ALDH1L1: variants seen among roughly 807,000 people sequenced by gnomAD.
The protein encoded by ALDH1L1 is cytosolic 10-formyltetrahydrofolate dehydrogenase.
In ALDH1L1, 68 loss-of-function variants were observed where a neutral mutation model predicts 101.1. The observed-to-expected ratio is 0.67, with a 90% CI of 0.55 to 0.82. The LOEUF (loss-of-function observed/expected upper bound fraction) is 0.82. Ranked by LOEUF, ALDH1L1 falls within the 40% of genes least tolerant of loss-of-function variation. The pLI, the probability that ALDH1L1 is intolerant of heterozygous loss-of-function variation, is 0.00. For missense variants in ALDH1L1, 1,087 were observed against 1,172.7 expected (o/e 0.93, Z 1.07); for synonymous variants, 486 against 470.8 (o/e 1.03, Z -0.42).
In ALDH1L1 at chr3:126,152,807, C is replaced by A. The variant is rs546105791; in HGVS notation, c.858+637G>T. The stretch of plus-strand genomic sequence containing the variant: ...TCTGCCACGGGCTAGCTTGGATGAT[C>A]CTGGACAAGTTATTTAAATCTCTGT... On this transcript the variant is annotated intron_variant, in intron 7 of 22. Coordinates refer to ENST00000393434, the MANE Select transcript of ALDH1L1 (RefSeq NM_012190.4). 30 of 161,698 alleles carry A rather than the reference C, an allele frequency of 1.9e-4. No homozygotes were observed. The South Asian group carries it at 5.0e-3, about 27-fold the overall frequency. 10.0% of individuals were successfully genotyped at this position (161,698 alleles called of 1,614,324 possible).
chr3:126,107,641 A>G (rs1559912177), intron 20 of ALDH1L1, among the ~76,000 whole-genome samples: 1 of 152,200 alleles, frequency 6.6e-6, no homozygotes, highest in Non-Finnish European at 1.5e-5. Context: ...CAGCTCTGCC[A>G]CTGACCCTGG....
At chr3:126,165,339 G>C (rs2081144546) in intron 1 of ALDH1L1, among the ~76,000 whole-genome samples, 1 of 152,104 alleles carries the variant, frequency 6.6e-6, no homozygotes. Flanking sequence ...TTTTGTTGAG[G>C]ATTTTTGTGT....
chr3:126,188,823 C>T (rs1275465270), intron 1 of ALDH1L1, among the ~76,000 whole-genome samples: 2 of 152,138 alleles, frequency 1.3e-5, no homozygotes, highest in Non-Finnish European at 2.9e-5. Flanking sequence ...GAGCATGATA[C>T]CAAGAGTTTA....
At chr3:126,160,242 T>C (rs4511843) in intron 2 of ALDH1L1, 101,681 of 153,160 alleles carry the variant, frequency 0.66, 33,828 homozygotes, top group Middle Eastern at 0.68. Flanking sequence ...AGGGTGCGCT[T>C]AGTACTCTCT....
rs2080935516 is a variant in ALDH1L1, at chr3:126,157,427, C to T, written c.444G>A (p.Leu148=). 12 of 1,614,058 alleles carry T rather than the reference C, an allele frequency of 7.4e-6. No individual in the cohort carries two copies. The highest frequency in any genetic ancestry group is 1.3e-5 in the African/African-American group (1 of 74,930). ...DDGLDTGDLL[L]QKECEVLPDD... Reference sequence around the variant, plus strand: ...CCGGGAGCACCTCACACTCCTTCTGCAGCAGCAGGTCTCCGGTGTCCAGAC... The same window carrying T: ...CCGGGAGCACCTCACACTCCTTCTGTAGCAGCAGGTCTCCGGTGTCCAGAC... The change falls in exon 4 of 23, where the codon CTG becomes CTA. Residue 148 remains leucine (L), a synonymous_variant. Coordinates refer to ENST00000393434, the MANE Select transcript of ALDH1L1 (RefSeq NM_012190.4).
chr3:126,114,742 C>G, intron 17 of ALDH1L1, 86 bp from the exon 18 acceptor site: 2 of 1,274,716 alleles, frequency 1.6e-6, no homozygotes, highest in South Asian at 2.4e-5. Flanking sequence ...CCTGGGTAGG[C>G]CCAAAGCATG....
At chr3:126,146,792 G>C (rs1174798091) in intron 9 of ALDH1L1, 43 bp downstream of exon 9, 3 of 1,593,614 alleles carry the variant, frequency 1.9e-6, no homozygotes, top group Non-Finnish European at 2.6e-6. Flanking sequence ...TTGTGACACA[G>C]CACCAAGTAC....
chr3:126,130,351 T>G, intron 13 of ALDH1L1, 58 bp from the exon 14 acceptor site: 1 of 1,462,028 alleles, frequency 6.8e-7, no homozygotes, highest in Non-Finnish European at 9.2e-7. Flanking sequence ...CCTTCCCCTC[T>G]AGGCAGCAAG....
intron 19 of ALDH1L1, chr3:126,110,428 G>T: frequency 2.8e-6 from 1 of 354,898 alleles, no homozygotes; most frequent in South Asian, 4.5e-5. Context: ...AATACAACAC[G>T]TATCTGACTC....
chr3:126,189,847 C>T (rs533490946), intron 1 of ALDH1L1, among the ~76,000 whole-genome samples: 19 of 152,288 alleles, frequency 1.2e-4, no homozygotes, highest in African/African-American at 3.6e-4. Context: ...GAATCTGATT[C>T]CCCGCAAAGC....
upstream of ALDH1L1, among the ~76,000 whole-genome samples, chr3:126,184,560 G>A (rs1441998981): frequency 6.6e-6 from 1 of 152,198 alleles, no homozygotes. Flanking sequence ...CCTCTGCCCG[G>A]GCTTTCCGCA....
upstream of ALDH1L1, among the ~76,000 whole-genome samples, chr3:126,182,342 G>A (rs116698679): frequency 9.2e-3 from 1,401 of 152,070 alleles, 21 homozygotes; most frequent in African/African-American, 0.029. Context: ...ACGTTTCACC[G>A]GGGTTTCACC....
chr3:126,128,233 G>A (rs1026573503), intron 14 of ALDH1L1, among the ~76,000 whole-genome samples: 31 of 152,162 alleles, frequency 2.0e-4, no homozygotes, highest in Non-Finnish European at 1.0e-4. Flanking sequence ...CAAAAGAGCT[G>A]GACTCTGCTC....
intron 19 of ALDH1L1, among the ~76,000 whole-genome samples, chr3:126,112,499 GA>G (rs1167617750): frequency 4.6e-5 from 7 of 152,344 alleles, no homozygotes; most frequent in African/African-American, 1.7e-4. Context: ...CACCTGCACT[GA>G]ATTCTTGCCC....
intron 18 of ALDH1L1, 44 bp downstream of exon 18, chr3:126,114,513 T>C (rs956779599): frequency 2.8e-6 from 4 of 1,438,006 alleles, no homozygotes; most frequent in East Asian, 2.4e-5. Flanking sequence ...CTACAGTCCC[T>C]GTTCCCGCTC....
At chr3:126,149,261 G>A (rs1304526902) in intron 8 of ALDH1L1, among the ~76,000 whole-genome samples, 3 of 152,242 alleles carry the variant, frequency 2.0e-5, no homozygotes, top group Non-Finnish European at 1.5e-5. Context: ...AAAGATGCCA[G>A]CTACTGAACT....
chr3:126,148,070 T>G (rs1181176689), intron 8 of ALDH1L1, among the ~76,000 whole-genome samples: 1 of 152,174 alleles, frequency 6.6e-6, no homozygotes, highest in African/African-American at 2.4e-5. Context: ...CCACACCGCT[T>G]GGGGCCACCA....
upstream of ALDH1L1, among the ~76,000 whole-genome samples, chr3:126,184,547 G>C (rs1576509790): frequency 6.6e-6 from 1 of 152,214 alleles, no homozygotes; most frequent in South Asian, 2.1e-4. Context: ...CCTGCAGAGA[G>C]AGCCTCTGCC....
chr3:126,108,308 T>C (rs1318655902), intron 20 of ALDH1L1, among the ~76,000 whole-genome samples: 1 of 152,212 alleles, frequency 6.6e-6, no homozygotes, highest in Non-Finnish European at 1.5e-5. Flanking sequence ...CCCCATCCCA[T>C]GCTCTGCCCC....
Sources: allele counts gnomAD v4.1 joint callset (sites outside exome capture counted in the v4.1 genomes callset), GRCh38; gene constraint gnomAD v4.1.1; transcripts MANE v1.5; gene names NCBI Gene and HGNC (gene_info 2026-07-23, HGNC 2026-07-21).